CPEB1: variants seen among roughly 807,000 people sequenced by gnomAD.
The protein encoded by CPEB1 is cytoplasmic polyadenylation element binding protein 1.
A neutral mutation model predicts 65.8 loss-of-function variants in CPEB1; 7 were observed. The ratio of observed to expected loss-of-function variants is 0.11; its 90% CI spans 0.06 to 0.20. The LOEUF (loss-of-function observed/expected upper bound fraction) is 0.20. Among genes scored for constraint, CPEB1 ranks in the 10% least tolerant of loss-of-function variants. CPEB1 has a pLI of 1.00. For missense variants in CPEB1, 551 were observed against 712.2 expected (o/e 0.77, Z 2.58); for synonymous variants, 262 against 260.0 (o/e 1.01, Z -0.08).
At chr15:82,620,357 G>A (rs1478351677) in intron 3 of CPEB1, among the ~76,000 whole-genome samples, 2 of 151,822 alleles carry the variant, frequency 1.3e-5, no homozygotes, top group Admixed American at 6.6e-5. Context: ...CCTGGGAGGC[G>A]GAGGATGCAG....
intron 1 of CPEB1, among the ~76,000 whole-genome samples, chr15:82,643,577 C>T (rs1349721645): frequency 6.6e-6 from 1 of 151,382 alleles, no homozygotes; most frequent in African/African-American, 2.4e-5. Context: ...TGCAGTGAGC[C>T]GAGATTGTGC....
intron 1 of CPEB1, among the ~76,000 whole-genome samples, chr15:82,635,774 G>C (rs2046609948): frequency 6.6e-6 from 1 of 152,128 alleles, no homozygotes; most frequent in African/African-American, 2.4e-5. Flanking sequence ...ATAAAGTAGG[G>C]TATCTAAAAT....
intron 1 of CPEB1, among the ~76,000 whole-genome samples, chr15:82,631,667 T>C (rs2046257340): frequency 6.6e-6 from 1 of 152,150 alleles, no homozygotes; most frequent in African/African-American, 2.4e-5. Flanking sequence ...TATTGGCTCA[T>C]TAAGTGAACC....
chr15:82,592,738 C>A (rs576584816), intron 3 of CPEB1, among the ~76,000 whole-genome samples: 41 of 152,220 alleles, frequency 2.7e-4, no homozygotes, highest in Admixed American at 5.2e-4. Flanking sequence ...GTAATCCGAG[C>A]ACTTTGGAAG....
chr15:82,555,059 CTAA>C lies in CPEB1; in HGVS notation c.940+808_940+810del, dbSNP rs138798567. On this transcript the variant is annotated intron_variant, in intron 6 of 12. Coordinates refer to ENST00000684509, the MANE Select transcript of CPEB1 (RefSeq NM_001365242.1). ...TATGGAAACAAATGGAATGCAGAAA[CTAA>C]CACTAACTTAGTCATCAAATTCAGG... Among the ~76,000 whole-genome samples, 1,364 of 152,350 alleles carry C rather than the reference CTAA, an allele frequency of 9.0e-3. 21 individuals are homozygous for C. The highest frequency in any genetic ancestry group is 0.032 in the African/African-American group (1,315 of 41,580).
intron 12 of CPEB1, among the ~76,000 whole-genome samples, chr15:82,546,166 G>A (rs2035169080): frequency 6.6e-6 from 1 of 152,042 alleles, no homozygotes; most frequent in African/African-American, 2.4e-5. Flanking sequence ...CTGAAGTGCA[G>A]TGGCGTGATC....
intron 3 of CPEB1, among the ~76,000 whole-genome samples, chr15:82,581,145 G>A (rs79359602): frequency 0.018 from 2,686 of 152,242 alleles, 30 homozygotes; most frequent in Non-Finnish European, 0.025. Flanking sequence ...TGGCATGCAT[G>A]CATTCATTCA....
chr15:82,629,462 A>AT (rs71156040), intron 1 of CPEB1: 8 of 982,134 alleles, frequency 8.1e-6, no homozygotes, highest in Admixed American at 1.2e-4. Context: ...ATATATATAT[A>AT]AAAAATCATG....
At chr15:82,632,004 C>T (rs1596135059) in intron 1 of CPEB1, among the ~76,000 whole-genome samples, 1 of 106,816 alleles carries the variant, frequency 9.4e-6, no homozygotes, top group African/African-American at 3.7e-5. Context: ...TTTTTTGAGA[C>T]GGAGTCTCGT....
rs998835668 is a variant in CPEB1, at chr15:82,631,826, A to T, written c.-97-3270T>A. Among the ~76,000 whole-genome samples the T allele has an allele frequency of 4.6e-5, 7 of 152,122 alleles. No homozygotes were observed. In the South Asian group the frequency reaches 1.5e-3, roughly 32 times the overall value. On this transcript the variant is annotated intron_variant, in intron 1 of 12. Coordinates refer to ENST00000684509, the MANE Select transcript of CPEB1 (RefSeq NM_001365242.1). ...TAGACCTAAGGGCTGAATCCACTAC[A>T]GGTTCAGTATCTCTCATCAGAAATG...
intron 3 of CPEB1, among the ~76,000 whole-genome samples, chr15:82,614,515 G>A (rs893697586): frequency 1.3e-5 from 2 of 152,084 alleles, no homozygotes; most frequent in Non-Finnish European, 2.9e-5. Context: ...TACTGATTGT[G>A]AACACATACA....
In CPEB1 at chr15:82,563,478, A is replaced by G. The variant is rs1054734507; in HGVS notation, c.461-5492T>C. Among the ~76,000 whole-genome samples the G allele has an allele frequency of 2.8e-5, 4 of 145,026 alleles. No homozygotes were observed. The Admixed American group carries it at 2.9e-4, about 10-fold the overall frequency. On this transcript the variant is annotated intron_variant, in intron 4 of 12. Transcript: ENST00000684509. ...TCCCACTTCAGCCTCCAAAGTAGCT[A>G]GCGGCATGCCACCATGTCTGACTAA...
chr15:82,626,139 A>G (rs1400905474), intron 3 of CPEB1, among the ~76,000 whole-genome samples: 2 of 151,676 alleles, frequency 1.3e-5, no homozygotes, highest in East Asian at 1.9e-4. Context: ...AAAGAAAAAC[A>G]AAATATAAAA....
intron 1 of CPEB1, among the ~76,000 whole-genome samples, chr15:82,637,331 G>A (rs2046744286): frequency 6.6e-6 from 1 of 152,082 alleles, no homozygotes; most frequent in Non-Finnish European, 1.5e-5. Flanking sequence ...TTACTGACAA[G>A]GTATCCTTCT....
chr15:82,620,824 C>A (rs984854070), intron 3 of CPEB1, among the ~76,000 whole-genome samples: 1 of 152,114 alleles, frequency 6.6e-6, no homozygotes, highest in South Asian at 2.1e-4. Flanking sequence ...TTTAGCATAA[C>A]AAGTGCCCTT....
chr15:82,597,255 G>T (rs1394342748), intron 3 of CPEB1, among the ~76,000 whole-genome samples: 4 of 152,216 alleles, frequency 2.6e-5, no homozygotes, highest in Admixed American at 6.5e-5. Flanking sequence ...GGGCCTGGAA[G>T]GTCGAGGCTG....
At chr15:82,572,685 C>T (rs2040204761) in intron 3 of CPEB1, among the ~76,000 whole-genome samples, 1 of 152,196 alleles carries the variant, frequency 6.6e-6, no homozygotes, top group Non-Finnish European at 1.5e-5. Context: ...AACTCTGAAA[C>T]CTAATCACCT....
intron 3 of CPEB1, among the ~76,000 whole-genome samples, chr15:82,615,267 C>T (rs1283618456): frequency 6.6e-6 from 1 of 152,160 alleles, no homozygotes; most frequent in South Asian, 2.1e-4. Flanking sequence ...CATGATGGAT[C>T]CACAAATAAA....
At chr15:82,635,139 G>C (rs1306924120) in intron 1 of CPEB1, among the ~76,000 whole-genome samples, 3 of 152,192 alleles carry the variant, frequency 2.0e-5, no homozygotes, top group Non-Finnish European at 4.4e-5. Flanking sequence ...ACAGGCATGA[G>C]CCACATGCCT....
Sources: allele counts gnomAD v4.1 joint callset (sites outside exome capture counted in the v4.1 genomes callset), GRCh38; gene constraint gnomAD v4.1.1; transcripts MANE v1.5; gene names NCBI Gene and HGNC (gene_info 2026-07-23, HGNC 2026-07-21).